The following ADAMTS16 variants were observed in gnomAD, a reference collection of about 807,000 sequenced individuals.
The protein encoded by ADAMTS16 is A disintegrin and metalloproteinase with thrombospondin motifs 16.
A neutral mutation model predicts 145.8 loss-of-function variants in ADAMTS16; 94 were observed. That is an observed-to-expected ratio of 0.64 (90% CI 0.55 to 0.77). The LOEUF (loss-of-function observed/expected upper bound fraction) is 0.77, where lower values mean the gene tolerates loss of function less well. ADAMTS16 is among the 30% of genes least tolerant of loss of function. The pLI is 0.00. For missense variants in ADAMTS16, 1,585 were observed against 1,591.5 expected, an observed-to-expected ratio of 1.00 and a Z score of 0.07; for synonymous variants, 659 against 604.3, an observed-to-expected ratio of 1.09 and a Z score of -1.33.
At chr5:5,211,069 G>T (rs1736261676) in intron 10 of ADAMTS16, among the ~76,000 whole-genome samples, 1 of 152,106 alleles carries the variant, frequency 6.6e-6, no homozygotes. Flanking sequence ...TTATTTTCAA[G>T]AATTGATTAT....
At chr5:5,241,170 T>A (rs1737279840) in intron 16 of ADAMTS16, among the ~76,000 whole-genome samples, 1 of 152,090 alleles carries the variant, frequency 6.6e-6, no homozygotes. Flanking sequence ...GAGGATCTTT[T>A]TCTACATGGG....
chr5:5,247,776 C>T (rs547743311), intron 17 of ADAMTS16, among the ~76,000 whole-genome samples: 4 of 152,344 alleles, frequency 2.6e-5, no homozygotes, highest in East Asian at 1.9e-4. Context: ...CAAGTCAAGG[C>T]TGTCAGGGAA....
At chr5:5,266,123 C>G (rs1478047500) in intron 18 of ADAMTS16, among the ~76,000 whole-genome samples, 1 of 151,468 alleles carries the variant, frequency 6.6e-6, no homozygotes, top group Non-Finnish European at 1.5e-5. Context: ...ATGTTGAGTG[C>G]TTGAATGCTA....
intron 18 of ADAMTS16, among the ~76,000 whole-genome samples, chr5:5,300,415 G>A (rs1486081287): frequency 6.6e-6 from 1 of 151,992 alleles, no homozygotes; most frequent in African/African-American, 2.4e-5. Context: ...TAATCTCGTT[G>A]ACACTGGAAA....
intron 2 of ADAMTS16, among the ~76,000 whole-genome samples, chr5:5,145,702 T>G (rs1734274739): frequency 6.6e-6 from 1 of 152,246 alleles, no homozygotes; most frequent in Non-Finnish European, 1.5e-5. Context: ...TTTGATTTCT[T>G]AAAGAGTAAT....
chr5:5,313,627 G>A (rs1420497258), intron 21 of ADAMTS16, among the ~76,000 whole-genome samples: 1 of 152,222 alleles, frequency 6.6e-6, no homozygotes, highest in African/African-American at 2.4e-5. Context: ...GTCAATTTGT[G>A]ACCAGGACAG....
At chr5:5,253,280 T>C (rs989382003) in intron 17 of ADAMTS16, among the ~76,000 whole-genome samples, 10 of 152,224 alleles carry the variant, frequency 6.6e-5, no homozygotes, top group African/African-American at 2.4e-4. Flanking sequence ...TTAATCAATA[T>C]GTGTAAGATG....
At chr5:5,291,885 A>G (rs1739335810) in intron 18 of ADAMTS16, among the ~76,000 whole-genome samples, 1 of 152,212 alleles carries the variant, frequency 6.6e-6, no homozygotes. Context: ...ATGTTACTAT[A>G]TTTAGGAAAT....
At chr5:5,170,506 G>T (rs958540006) in intron 3 of ADAMTS16, among the ~76,000 whole-genome samples, 1 of 151,786 alleles carries the variant, frequency 6.6e-6, no homozygotes, top group Admixed American at 6.6e-5. Flanking sequence ...AGCCCCCCGA[G>T]TAGCTGGGAT....
At chr5:5,144,433 T>C (rs1339757589) in intron 2 of ADAMTS16, among the ~76,000 whole-genome samples, 1 of 152,244 alleles carries the variant, frequency 6.6e-6, no homozygotes, top group Non-Finnish European at 1.5e-5. Flanking sequence ...AGTATATTTT[T>C]ACAAGCTTTA....
At chr5:5,283,938 C>A (rs1227578661) in intron 18 of ADAMTS16, among the ~76,000 whole-genome samples, 2 of 152,122 alleles carry the variant, frequency 1.3e-5, no homozygotes, top group East Asian at 3.9e-4. Flanking sequence ...ATTTTTTATA[C>A]ATTTCATAAG....
chr5:5,306,343 T>C (rs989082313), intron 20 of ADAMTS16, among the ~76,000 whole-genome samples, 161 bp from the exon 21 acceptor site: 2 of 152,220 alleles, frequency 1.3e-5, no homozygotes, highest in Admixed American at 1.3e-4. Context: ...TTTTTAATGA[T>C]AGATTCTATA....
At chr5:5,256,849 A>G (rs1737800134) in intron 17 of ADAMTS16, among the ~76,000 whole-genome samples, 1 of 152,224 alleles carries the variant, frequency 6.6e-6, no homozygotes, top group African/African-American at 2.4e-5. Flanking sequence ...AAGCCGTAAG[A>G]GTTTGGTTAA....
At chr5:5,238,763 A>G (rs1737195077) in intron 14 of ADAMTS16, among the ~76,000 whole-genome samples, 1 of 152,252 alleles carries the variant, frequency 6.6e-6, no homozygotes, top group African/African-American at 2.4e-5. Context: ...CTGTCATTGC[A>G]TGAGACAATT....
intron 9 of ADAMTS16, among the ~76,000 whole-genome samples, chr5:5,203,186 T>A (rs911009096): frequency 4.6e-5 from 7 of 152,224 alleles, no homozygotes; most frequent in Non-Finnish European, 7.3e-5. Flanking sequence ...ATTTGTTTTC[T>A]TGAATGGTGA....
chr5:5,164,600 G>A (rs1194647430), intron 3 of ADAMTS16, among the ~76,000 whole-genome samples: 3 of 152,232 alleles, frequency 2.0e-5, no homozygotes, highest in African/African-American at 7.2e-5. Flanking sequence ...AGTGTCTGGA[G>A]TAGGAGCCCG....
chr5:5,178,838 G>A (rs954964767), intron 3 of ADAMTS16, among the ~76,000 whole-genome samples: 2 of 151,972 alleles, frequency 1.3e-5, no homozygotes, highest in Non-Finnish European at 2.9e-5. Context: ...AAGCGTGTAG[G>A]CCAGGAACCA....
In ADAMTS16 at chr5:5,269,153, C is replaced by T. The variant is rs1738371045; in HGVS notation, c.2789+6370C>T. Among the ~76,000 whole-genome samples the T allele has an allele frequency of 6.6e-6, 1 of 152,144 alleles. No individual in the cohort carries two copies. Among genetic ancestry groups the T allele is most frequent in the Non-Finnish European group, 1.5e-5 (1 of 68,036 alleles). ...CTGAAGTTGTCCTTCTGTCTCACTG[C>T]ATGGCTGATCGTCCCACCGCTCACT... On this transcript the variant is annotated intron_variant, in intron 18 of 22. Coordinates refer to ENST00000274181, the MANE Select transcript of ADAMTS16 (RefSeq NM_139056.4). This position sits in a 1 kb window ranked among gnomAD's most constrained non-coding sequence, Gnocchi z 4.3.
At position 5,310,113 on chromosome 5, in the gene ADAMTS16, T is replaced by A. The variant is rs1740361694; in HGVS notation, c.3411+3385T>A. On this transcript the variant is annotated intron_variant, in intron 21 of 22. Coordinates refer to ENST00000274181, the MANE Select transcript of ADAMTS16 (RefSeq NM_139056.4). The surrounding 1 kb of genome is among the most constrained non-coding windows in gnomAD (Gnocchi z 4.3). ...GCCTGTTGGGCAGCCGGGGTCAAGG[T>A]GTGAACAAAGGAGGCTGAGCTCAGC... 6.6e-6 allele frequency among the ~76,000 whole-genome samples: 1 copy of A among 151,994 alleles called. No individual in the cohort carries two copies. Among genetic ancestry groups the A allele is most frequent in the Non-Finnish European group, 1.5e-5 (1 of 68,006 alleles).
Sources: gnomAD v4.1 joint callset for allele counts (sites outside exome capture counted in the v4.1 genomes callset) on GRCh38, gnomAD v4.1.1 for gene constraint, Gnocchi (gnomAD v3.1) non-coding constraint, MANE v1.5 for transcripts, NCBI Gene and HGNC (gene_info 2026-07-23, HGNC 2026-07-21) for gene names.